Variants in ADCY2 observed in about 807,000 individuals in gnomAD.
ADCY2 encodes adenylate cyclase type 2.
Under a neutral mutation model 125.2 loss-of-function variants are expected in ADCY2, and 31 were observed. The ratio of observed to expected loss-of-function variants is 0.25; its 90% CI spans 0.19 to 0.33. The LOEUF (loss-of-function observed/expected upper bound fraction) is 0.33. Ranked by LOEUF, ADCY2 falls within the 10% of genes least tolerant of loss-of-function variation. The pLI, the probability that ADCY2 is intolerant of heterozygous loss-of-function variation, is 1.00. For missense variants in ADCY2, 904 were observed against 1,418.2 expected, an observed-to-expected ratio of 0.64 and a Z score of 5.82; for synonymous variants, 512 against 548.4, an observed-to-expected ratio of 0.93 and a Z score of 0.93.
chr5:7,463,618 T>TTAAAAA (rs1211346803), intron 2 of ADCY2, among the ~76,000 whole-genome samples: 1 of 102,560 alleles, frequency 9.8e-6, no homozygotes, highest in Non-Finnish European at 2.2e-5. Context: ...AGGTGATAGA[T>TTAAAAA]AAAAAAAAAA....
At chr5:7,404,573 G>A (rs1020174261) in intron 1 of ADCY2, among the ~76,000 whole-genome samples, 2 of 152,224 alleles carry the variant, frequency 1.3e-5, no homozygotes, top group African/African-American at 4.8e-5. Flanking sequence ...AGGAGGAAAA[G>A]CTTGCTTCCA....
At chr5:7,656,138 T>C (rs911334504) in intron 4 of ADCY2, among the ~76,000 whole-genome samples, 1 of 146,118 alleles carries the variant, frequency 6.8e-6, no homozygotes, top group Non-Finnish European at 1.5e-5. Flanking sequence ...CACTGCAACC[T>C]CCACCTCCCG....
At chr5:7,561,388 A>G (rs141357605) in intron 3 of ADCY2, among the ~76,000 whole-genome samples, 4 of 152,338 alleles carry the variant, frequency 2.6e-5, no homozygotes, top group Non-Finnish European at 2.9e-5. Context: ...CATATGCAGC[A>G]TGTTGCTGTT....
chr5:7,626,122 G>C, intron 3 of ADCY2, 45 bp from the exon 4 acceptor site: 1 of 1,581,314 alleles, frequency 6.3e-7, no homozygotes, highest in Non-Finnish European at 8.6e-7. Context: ...GTATTCACAA[G>C]TGAGAAACAG....
chr5:7,677,095 G>T (rs1740152655), intron 4 of ADCY2, among the ~76,000 whole-genome samples: 1 of 151,980 alleles, frequency 6.6e-6, no homozygotes, highest in Non-Finnish European at 1.5e-5. Flanking sequence ...TGGCCAACAT[G>T]GTGAAACCTC....
intron 20 of ADCY2, among the ~76,000 whole-genome samples, chr5:7,792,551 G>A (rs976653510): frequency 6.7e-6 from 1 of 148,920 alleles, no homozygotes; most frequent in South Asian, 2.1e-4. Context: ...CAGCCTCACA[G>A]CCCTGCAGAG....
intron 18 of ADCY2, among the ~76,000 whole-genome samples, chr5:7,782,579 T>C (rs1023812535): frequency 1.3e-5 from 2 of 152,190 alleles, no homozygotes; most frequent in African/African-American, 4.8e-5. Context: ...AGTTTAGGAA[T>C]TATGAGGGTG....
intron 3 of ADCY2, among the ~76,000 whole-genome samples, chr5:7,546,854 T>G (rs555664480): frequency 6.6e-6 from 1 of 152,322 alleles, no homozygotes; most frequent in African/African-American, 2.4e-5. Flanking sequence ...TCTTCTTCCT[T>G]GGGGCTCAGC....
At chr5:7,463,378 C>A (rs1483927292) in intron 2 of ADCY2, among the ~76,000 whole-genome samples, 1 of 152,108 alleles carries the variant, frequency 6.6e-6, no homozygotes, top group Non-Finnish European at 1.5e-5. Context: ...GTGGTGCTCA[C>A]CATAGGCCTG....
intron 1 of ADCY2, among the ~76,000 whole-genome samples, chr5:7,413,008 C>T (rs1021410901): frequency 1.3e-5 from 2 of 152,238 alleles, no homozygotes; most frequent in African/African-American, 4.8e-5. Context: ...TCATTTAACA[C>T]ACATAATTGT....
rs1029024113 is a variant in ADCY2 at position 7,488,190 on chromosome 5, A to G, written c.409-32548A>G. 2.0e-5 allele frequency among the ~76,000 whole-genome samples: 3 copies of G among 152,108 alleles called. No individual in the cohort carries two copies. In the East Asian group the frequency reaches 5.8e-4, roughly 29 times the overall value. ...CCCTCATACTGTAATATGGGAGTGA[A>G]TGAATCTCATGGGATCTGATGGTTT... On this transcript the variant is annotated intron_variant, in intron 2 of 24. Coordinates refer to ENST00000338316, the MANE Select transcript of ADCY2 (RefSeq NM_020546.3).
intron 17 of ADCY2, among the ~76,000 whole-genome samples, chr5:7,771,498 C>T (rs983369518): frequency 2.6e-5 from 4 of 152,156 alleles, no homozygotes; most frequent in African/African-American, 4.8e-5. Context: ...TAATCCAGTG[C>T]GAGGTGTTGG....
chr5:7,814,297 T>A (rs1049475156), intron 22 of ADCY2, among the ~76,000 whole-genome samples: 17 of 152,208 alleles, frequency 1.1e-4, no homozygotes, highest in Non-Finnish European at 2.9e-5. Flanking sequence ...ATATTTATAC[T>A]GTTTAGTGCA....
intron 4 of ADCY2, among the ~76,000 whole-genome samples, chr5:7,684,292 T>C (rs1394978960): frequency 2.0e-5 from 3 of 152,212 alleles, no homozygotes; most frequent in Non-Finnish European, 2.9e-5. Flanking sequence ...ACTTGGGTGC[T>C]GGTGTGCCAC....
chr5:7,547,822 T>TG (rs1735196811), intron 3 of ADCY2, among the ~76,000 whole-genome samples: 1 of 152,220 alleles, frequency 6.6e-6, no homozygotes, highest in Non-Finnish European at 1.5e-5. Flanking sequence ...ATGTCAGACT[T>TG]CTTGCGGAGG....
chr5:7,767,135 C>T (rs1206392138), intron 17 of ADCY2, among the ~76,000 whole-genome samples: 2 of 152,212 alleles, frequency 1.3e-5, no homozygotes, highest in African/African-American at 4.8e-5. Context: ...GGGTTTCTTA[C>T]TTAGAGACAT....
intron 3 of ADCY2, among the ~76,000 whole-genome samples, chr5:7,557,201 A>ATATATATATATATAGATATATATATATG: frequency 7.1e-6 from 1 of 140,064 alleles, no homozygotes; most frequent in Non-Finnish European, 1.6e-5. Context: ...TGATATATAT[A>ATATATATATATATAGATATATATATATG]ACTCAAGTGA....
intron 22 of ADCY2, among the ~76,000 whole-genome samples, chr5:7,806,593 C>T (rs1230202740): frequency 6.6e-6 from 1 of 152,092 alleles, no homozygotes; most frequent in Non-Finnish European, 1.5e-5. Flanking sequence ...CTTAGGCCTC[C>T]CATGGAGGGG....
chr5:7,743,021 T>G (rs535539738), intron 14 of ADCY2, among the ~76,000 whole-genome samples: 20 of 152,272 alleles, frequency 1.3e-4, no homozygotes, highest in African/African-American at 4.3e-4. Context: ...CTTTCGGATA[T>G]GTATACAATT....
Sources: gnomAD v4.1 joint callset for allele counts (sites outside exome capture counted in the v4.1 genomes callset) on GRCh38, gnomAD v4.1.1 for gene constraint, MANE v1.5 for transcripts, NCBI Gene and HGNC (gene_info 2026-07-23, HGNC 2026-07-21) for gene names.